The following FGF12 variants were observed in gnomAD, a reference collection of about 807,000 sequenced individuals.
FGF12 encodes the protein fibroblast growth factor 12B.
A neutral mutation model predicts 23.6 loss-of-function variants in FGF12; 14 were observed. The observed-to-expected ratio is 0.59, with a 90% CI of 0.39 to 0.93. FGF12 has a LOEUF of 0.93. Among genes scored for constraint, FGF12 ranks in the 40% least tolerant of loss-of-function variants. The pLI is 0.00. For synonymous variants in FGF12, 62 were observed against 77.3 expected, an observed-to-expected ratio of 0.80 and a Z score of 1.04; for missense variants, 175 against 217.8, an observed-to-expected ratio of 0.80 and a Z score of 1.24.
At chr3:192,625,583 T>A (rs1249480537) in intron 2 of FGF12, among the ~76,000 whole-genome samples, 2 of 152,116 alleles carry the variant, frequency 1.3e-5, no homozygotes, top group Non-Finnish European at 1.5e-5. Context: ...ACTAATGCTT[T>A]TCAGAAAGCA....
intron 5 of FGF12, among the ~76,000 whole-genome samples, chr3:192,160,750 C>T (rs550978865): frequency 6.6e-6 from 1 of 152,190 alleles, no homozygotes; most frequent in African/African-American, 2.4e-5. Context: ...AATGAATATT[C>T]CTATCTACTA....
Position 192,360,475 on chromosome 3 carries a change from T to C in FGF12, c.77A>G (p.His26Arg). The change falls in exon 3 of 6, where the codon CAC becomes CGC. Residue 26 changes from histidine (H) to arginine (R), a missense_variant. His to Arg is a conservative substitution (Grantham distance 29). Transcript: ENST00000445105. This position sits in a 1 kb window ranked among gnomAD's most constrained non-coding sequence, Gnocchi z 4.3. ...FSQQGYFLQM[H>R]PDGTIDGTKD... ...GGTCCCATCAATGGTACCATCTGGG[T>C]GCATCTGCAGGAAGTATCCCTGCTG... 1 of 1,613,988 alleles carries C rather than the reference T, an allele frequency of 6.2e-7. No homozygotes were observed. Among genetic ancestry groups the C allele is most frequent in the South Asian group, 1.1e-5 (1 of 91,078 alleles).
intron 5 of FGF12, among the ~76,000 whole-genome samples, chr3:192,163,013 T>TA (rs1243701939): frequency 3.9e-5 from 6 of 152,178 alleles, no homozygotes; most frequent in East Asian, 1.9e-4. Flanking sequence ...AACTTTTTTT[T>TA]ACAATGTCTA....
At chr3:192,446,757 G>A (rs1722367015) in intron 2 of FGF12, among the ~76,000 whole-genome samples, 1 of 152,000 alleles carries the variant, frequency 6.6e-6, no homozygotes, top group Admixed American at 6.6e-5. Flanking sequence ...CGCATCCAAG[G>A]CAAACATGGA....
intron 2 of FGF12, among the ~76,000 whole-genome samples, chr3:192,505,997 T>A (rs1193183816): frequency 6.6e-6 from 1 of 152,252 alleles, no homozygotes; most frequent in African/African-American, 2.4e-5. Flanking sequence ...CAAATATGCA[T>A]GTAACATATG....
intron 4 of FGF12, among the ~76,000 whole-genome samples, chr3:192,187,039 A>G (rs997082728): frequency 6.6e-6 from 1 of 152,164 alleles, no homozygotes; most frequent in African/African-American, 2.4e-5. Flanking sequence ...CAACCTCACT[A>G]CTGTTTCTGT....
chr3:192,199,175 A>G (rs59313005), intron 4 of FGF12, among the ~76,000 whole-genome samples: 31,721 of 152,148 alleles, frequency 0.21, 3,641 homozygotes, highest in African/African-American at 0.29. Context: ...TCACTTATTC[A>G]TAAAATGGGG....
intron 4 of FGF12, among the ~76,000 whole-genome samples, chr3:192,314,317 G>A (rs373429212): frequency 4.6e-5 from 7 of 151,964 alleles, no homozygotes; most frequent in African/African-American, 1.7e-4. Flanking sequence ...AGCTAAAAGA[G>A]GCATTACCCT....
chr3:192,276,429 A>G (rs1052711297), intron 4 of FGF12, among the ~76,000 whole-genome samples: 3 of 151,714 alleles, frequency 2.0e-5, no homozygotes, highest in African/African-American at 7.3e-5. Flanking sequence ...GTGTAGATTC[A>G]CTACTTTTTT....
At chr3:192,662,832 A>G (rs528486815) in intron 2 of FGF12, among the ~76,000 whole-genome samples, 1 of 152,336 alleles carries the variant, frequency 6.6e-6, no homozygotes, top group South Asian at 2.1e-4. Context: ...AAATAATTAA[A>G]TAATGATCGC....
intron 2 of FGF12, among the ~76,000 whole-genome samples, chr3:192,372,556 G>A (rs77138812): frequency 0.12 from 18,180 of 152,108 alleles, 1,173 homozygotes; most frequent in East Asian, 0.18. Context: ...GTGGTGCAGG[G>A]GCATATGCAG....
intron 2 of FGF12, among the ~76,000 whole-genome samples, chr3:192,368,982 T>C (rs1719107201): frequency 6.6e-6 from 1 of 152,152 alleles, no homozygotes; most frequent in Non-Finnish European, 1.5e-5. Context: ...GGGTCTTCCC[T>C]GACACCCTGA....
At chr3:192,212,794 G>T (rs934097138) in intron 4 of FGF12, among the ~76,000 whole-genome samples, 1 of 147,900 alleles carries the variant, frequency 6.8e-6, no homozygotes, top group Admixed American at 6.8e-5. Flanking sequence ...AATGGGGGGG[G>T]GGTTAAAAAA....
At chr3:192,621,588 A>C (rs1714976923) in intron 2 of FGF12, among the ~76,000 whole-genome samples, 1 of 151,912 alleles carries the variant, frequency 6.6e-6, no homozygotes, top group African/African-American at 2.4e-5. Context: ...AGTGCCTGTC[A>C]AAAAGTAGAT....
chr3:192,600,067 G>A (rs1714048950), intron 2 of FGF12, among the ~76,000 whole-genome samples: 1 of 151,976 alleles, frequency 6.6e-6, no homozygotes. Flanking sequence ...TTTTTGTGTA[G>A]GAAGAGAAGC....
At chr3:192,178,742 T>C (rs989333207) in intron 4 of FGF12, among the ~76,000 whole-genome samples, 1 of 152,236 alleles carries the variant, frequency 6.6e-6, no homozygotes, top group East Asian at 1.9e-4. Flanking sequence ...AGACAATCCG[T>C]CCACCTTGGC....
At chr3:192,251,121 T>C (rs1178676782) in intron 4 of FGF12, among the ~76,000 whole-genome samples, 1 of 152,158 alleles carries the variant, frequency 6.6e-6, no homozygotes, top group Admixed American at 6.6e-5. Flanking sequence ...CCTTTGTCAC[T>C]CTATGGAAAC....
At chr3:192,473,609 G>C (rs1307155420) in intron 2 of FGF12, among the ~76,000 whole-genome samples, 1 of 152,158 alleles carries the variant, frequency 6.6e-6, no homozygotes, top group Non-Finnish European at 1.5e-5. Context: ...TGTAAGTGTA[G>C]TATTTTGGGT....
intron 2 of FGF12, among the ~76,000 whole-genome samples, chr3:192,624,408 C>T (rs1050715028): frequency 2.0e-5 from 3 of 151,842 alleles, no homozygotes; most frequent in African/African-American, 4.8e-5. Context: ...CCAATACCAG[C>T]GAATGCTACA....
Sources: gnomAD v4.1 joint callset for allele counts (sites outside exome capture counted in the v4.1 genomes callset) on GRCh38, gnomAD v4.1.1 for gene constraint, Gnocchi (gnomAD v3.1) non-coding constraint, MANE v1.5 for transcripts, NCBI Gene and HGNC (gene_info 2026-07-23, HGNC 2026-07-21) for gene names.